ADARB2: variants seen among roughly 807,000 people sequenced by gnomAD.
ADARB2 encodes the protein adenosine deaminase RNA specific B2 (inactive), also known as inactive double-stranded RNA-specific editase B2.
Under a neutral mutation model 62.2 loss-of-function variants are expected in ADARB2, and 25 were observed. That is an observed-to-expected ratio of 0.40 (90% CI 0.29 to 0.56). ADARB2 has a LOEUF of 0.56. Among genes scored for constraint, ADARB2 ranks in the 20% least tolerant of loss-of-function variants. ADARB2 has a pLI of 0.43. For synonymous variants in ADARB2, 572 were observed against 500.8 expected (o/e 1.14, Z -1.90); for missense variants, 1,071 against 1,077.4 (o/e 0.99, Z 0.08).
intron 1 of ADARB2, among the ~76,000 whole-genome samples, chr10:1,435,549 T>G (rs909080756): frequency 1.3e-5 from 2 of 152,206 alleles, no homozygotes; most frequent in African/African-American, 2.4e-5. Flanking sequence ...AGCCCTGGAC[T>G]GAGCCTGCCT....
intron 3 of ADARB2, among the ~76,000 whole-genome samples, chr10:1,354,163 C>T (rs1185677069): frequency 2.6e-5 from 4 of 152,146 alleles, no homozygotes; most frequent in African/African-American, 9.7e-5. Flanking sequence ...ATTTTCGCCG[C>T]CCCAATACTT....
chr10:1,411,977 G>A (rs150758466), intron 1 of ADARB2, among the ~76,000 whole-genome samples: 141 of 152,320 alleles, frequency 9.3e-4, no homozygotes, highest in Non-Finnish European at 1.7e-3. Flanking sequence ...TAGAAACGAC[G>A]CATCAGGCTG....
chr10:1,564,042 T>G (rs1832825583), intron 1 of ADARB2, among the ~76,000 whole-genome samples: 1 of 151,576 alleles, frequency 6.6e-6, no homozygotes. Context: ...GTTGGACATT[T>G]GGGTTGGTTC....
At chr10:1,496,224 T>A (rs898924317) in intron 1 of ADARB2, among the ~76,000 whole-genome samples, 2 of 151,870 alleles carry the variant, frequency 1.3e-5, no homozygotes, top group South Asian at 4.2e-4. Context: ...ATCACTATCA[T>A]CATCATTGTC....
intron 1 of ADARB2, among the ~76,000 whole-genome samples, chr10:1,444,733 T>TATCC (rs973317194): frequency 7.6e-6 from 1 of 132,404 alleles, no homozygotes; most frequent in African/African-American, 2.9e-5. Context: ...TCCATCTATC[T>TATCC]ATCCATCCAT....
intron 3 of ADARB2, among the ~76,000 whole-genome samples, chr10:1,332,868 A>C (rs1343322641): frequency 6.6e-6 from 1 of 152,254 alleles, no homozygotes; most frequent in Non-Finnish European, 1.5e-5. Flanking sequence ...CTCTGATTAC[A>C]TTGGAAGCAG....
At chr10:1,560,205 G>T (rs1657959517) in intron 1 of ADARB2, among the ~76,000 whole-genome samples, 1 of 152,176 alleles carries the variant, frequency 6.6e-6, no homozygotes, top group Non-Finnish European at 1.5e-5. Context: ...CCCAACTGAA[G>T]CCTGTTCCTG....
Position 1,212,358 on chromosome 10 carries a change from A to G in ADARB2, c.1682+4593T>C, listed in dbSNP as rs1433532431. 2.0e-5 allele frequency among the ~76,000 whole-genome samples: 3 copies of G among 152,232 alleles called. No homozygotes were observed. In the East Asian group the frequency reaches 5.8e-4, roughly 29 times the overall value. The stretch of plus-strand genomic sequence containing the variant: ...GCTCAGAAACGGCAAGTGCGGCGCA[A>G]TTCTGAAACAGCTCCTGCCTTAGCA... On this transcript the variant is annotated intron_variant, in intron 7 of 9. Coordinates refer to ENST00000381312, the MANE Select transcript of ADARB2 (RefSeq NM_018702.4).
At chr10:1,438,773 C>CTAAAA (rs1830865736) in intron 1 of ADARB2, among the ~76,000 whole-genome samples, 1 of 147,482 alleles carries the variant, frequency 6.8e-6, no homozygotes, top group Admixed American at 6.7e-5. Flanking sequence ...TGAGTCTCTC[C>CTAAAA]CAGGATGGAG....
chr10:1,431,786 G>A (rs777418131), intron 1 of ADARB2, among the ~76,000 whole-genome samples: 14 of 152,130 alleles, frequency 9.2e-5, no homozygotes, highest in Admixed American at 1.3e-4. Flanking sequence ...ACTACAGAAC[G>A]TGTAGTTTTT....
At chr10:1,658,278 G>GTC (rs756266989) in intron 1 of ADARB2, among the ~76,000 whole-genome samples, 3 of 147,640 alleles carry the variant, frequency 2.0e-5, no homozygotes, top group African/African-American at 5.0e-5. Context: ...GTTTTTCTCT[G>GTC]TCTCTCTCTC....
chr10:1,237,557 T>C (rs1177990000), intron 5 of ADARB2, among the ~76,000 whole-genome samples: 1 of 1,432 alleles, frequency 7.0e-4, no homozygotes, highest in African/African-American at 2.7e-3. Context: ...TCCCGGTGTT[T>C]ACTCCCCTCT....
intron 4 of ADARB2, among the ~76,000 whole-genome samples, chr10:1,258,153 T>A (rs1831097918): frequency 6.6e-6 from 1 of 152,106 alleles, no homozygotes; most frequent in Non-Finnish European, 1.5e-5. Flanking sequence ...TCCCTAACTC[T>A]TTTTCTTTCT....
intron 1 of ADARB2, among the ~76,000 whole-genome samples, chr10:1,458,195 C>A (rs906127426): frequency 6.6e-6 from 1 of 152,162 alleles, no homozygotes; most frequent in Non-Finnish European, 1.5e-5. Flanking sequence ...TCTGTCTGAA[C>A]CTCTGGAGGT....
intron 1 of ADARB2, among the ~76,000 whole-genome samples, chr10:1,714,763 G>A (rs1028800113): frequency 4.6e-5 from 7 of 152,182 alleles, no homozygotes; most frequent in Non-Finnish European, 1.0e-4. Context: ...TTACCCAGGG[G>A]TGTATTTTAT....
chr10:1,214,319 G>A (rs916409081), intron 7 of ADARB2, among the ~76,000 whole-genome samples: 4 of 145,582 alleles, frequency 2.7e-5, no homozygotes, highest in South Asian at 4.5e-4. Flanking sequence ...TGTACCCAGC[G>A]TCACGTGGGT....
intron 1 of ADARB2, among the ~76,000 whole-genome samples, chr10:1,735,985 C>A (rs1460130578): frequency 2.6e-5 from 4 of 152,190 alleles, no homozygotes; most frequent in Admixed American, 6.5e-5. Flanking sequence ...GATGGACAAC[C>A]CCAAACACAC....
chr10:1,678,494 G>T (rs1347442559), intron 1 of ADARB2, among the ~76,000 whole-genome samples: 2 of 152,054 alleles, frequency 1.3e-5, no homozygotes, highest in African/African-American at 2.4e-5. Context: ...ATGCAGGGGG[G>T]CTGCCTGGGC....
intron 5 of ADARB2, among the ~76,000 whole-genome samples, chr10:1,234,249 G>A (rs971107585): frequency 4.6e-5 from 7 of 151,852 alleles, no homozygotes; most frequent in Non-Finnish European, 5.9e-5. Flanking sequence ...TCAGTCTCCC[G>A]AAGTGCTGGG....
Sources: gnomAD v4.1 joint callset for allele counts (sites outside exome capture counted in the v4.1 genomes callset) on GRCh38, gnomAD v4.1.1 for gene constraint, MANE v1.5 for transcripts, NCBI Gene and HGNC (gene_info 2026-07-23, HGNC 2026-07-21) for gene names.